SNTG1: variants seen among roughly 807,000 people sequenced by gnomAD.
The protein encoded by SNTG1 is gamma-1-syntrophin.
SNTG1 carries 39 observed loss-of-function variants against 74.7 expected under a neutral mutation model. That is an observed-to-expected ratio of 0.52 (90% CI 0.40 to 0.68). The LOEUF is 0.68. SNTG1 is among the 30% of genes least tolerant of loss of function. The pLI, the probability that SNTG1 is intolerant of heterozygous loss-of-function variation, is 0.00. For missense variants in SNTG1, 685 were observed against 609.5 expected, an observed-to-expected ratio of 1.12 and a Z score of -1.30; for synonymous variants, 254 against 217.1, an observed-to-expected ratio of 1.17 and a Z score of -1.49.
At chr8:50,330,914 G>A (rs370262757) in intron 2 of SNTG1, among the ~76,000 whole-genome samples, 2 of 152,308 alleles carry the variant, frequency 1.3e-5, no homozygotes. Context: ...CCCTTGACAT[G>A]TGAGGATTAA....
chr8:50,483,304 T>A (rs930826047), intron 8 of SNTG1, among the ~76,000 whole-genome samples: 14 of 152,226 alleles, frequency 9.2e-5, no homozygotes, highest in Admixed American at 8.5e-4. Context: ...AGAATGGATC[T>A]ATGTATTTTT....
intron 15 of SNTG1, among the ~76,000 whole-genome samples, chr8:50,659,016 T>A (rs2131280316): frequency 6.6e-6 from 1 of 152,176 alleles, no homozygotes; most frequent in African/African-American, 2.4e-5. Context: ...TTTTTAATTC[T>A]TTTTTTCTGA....
chr8:50,702,143 C>T lies in SNTG1; in HGVS notation c.1039-2457C>T, dbSNP rs961981511. Among the ~76,000 whole-genome samples, 104 of 151,904 alleles carry T rather than the reference C, an allele frequency of 6.8e-4. 2 individuals are homozygous for T. The highest frequency in any genetic ancestry group is 3.4e-3 in the Middle Eastern group (1 of 294). On this transcript the variant is annotated intron_variant, in intron 15 of 18. Coordinates refer to ENST00000642720, the MANE Select transcript of SNTG1 (RefSeq NM_018967.5). ...CTGGGATTACTGACATGAGCCACTGCGCCCAGCCTCTTATTTTTTTTATAA... is the reference window on the plus strand; with the variant it reads ...CTGGGATTACTGACATGAGCCACTGTGCCCAGCCTCTTATTTTTTTTATAA...
intron 1 of SNTG1, among the ~76,000 whole-genome samples, chr8:50,033,593 C>T (rs1817914407): frequency 1.3e-5 from 2 of 152,088 alleles, no homozygotes; most frequent in African/African-American, 2.4e-5. Context: ...GATGGATTTC[C>T]TCTGAAGCCT....
At chr8:50,007,621 A>C (rs1206898901) in intron 1 of SNTG1, among the ~76,000 whole-genome samples, 2 of 152,144 alleles carry the variant, frequency 1.3e-5, no homozygotes, top group Non-Finnish European at 2.9e-5. Context: ...GATATGCTAC[A>C]TGGCAGGTCA....
intron 1 of SNTG1, among the ~76,000 whole-genome samples, chr8:50,075,378 A>G (rs776365807): frequency 1.3e-5 from 2 of 152,138 alleles, no homozygotes; most frequent in African/African-American, 2.4e-5. Flanking sequence ...ATATGCACCA[A>G]TCAGCACTCT....
At chr8:50,066,167 A>G (rs1289527051) in intron 1 of SNTG1, among the ~76,000 whole-genome samples, 1 of 152,054 alleles carries the variant, frequency 6.6e-6, no homozygotes, top group Non-Finnish European at 1.5e-5. Context: ...GTGAGCTCAG[A>G]TTGTGCCATT....
chr8:50,486,132 GCT>G (rs1477321001), intron 8 of SNTG1, among the ~76,000 whole-genome samples: 1 of 152,174 alleles, frequency 6.6e-6, no homozygotes, highest in African/African-American at 2.4e-5. Flanking sequence ...GGCGATGCAG[GCT>G]CTTTTTTGCT....
At position 50,489,708 on chromosome 8, in the gene SNTG1, C is replaced by T. The variant is rs530639719; in HGVS notation, c.364-13070C>T. Among the ~76,000 whole-genome samples, 4 of 151,206 alleles carry T rather than the reference C, an allele frequency of 2.6e-5. No individual in the cohort carries two copies. In the South Asian group the frequency reaches 8.7e-4, roughly 33 times the overall value. Reference sequence around the variant, plus strand: ...CATATGGATAGATTGCAAAAATTTTCTCCCATTCTGTAGGTTGCCTGTTCA... The same window carrying T: ...CATATGGATAGATTGCAAAAATTTTTTCCCATTCTGTAGGTTGCCTGTTCA... On this transcript the variant is annotated intron_variant, in intron 8 of 18. Coordinates refer to ENST00000642720, the MANE Select transcript of SNTG1 (RefSeq NM_018967.5).
intron 1 of SNTG1, among the ~76,000 whole-genome samples, chr8:49,926,021 A>T (rs1015969136): frequency 2.0e-5 from 3 of 152,174 alleles, no homozygotes; most frequent in African/African-American, 7.2e-5. Context: ...CTAGAGAATG[A>T]CTTGAATCGG....
chr8:50,191,790 C>A (rs1401599630), intron 2 of SNTG1, among the ~76,000 whole-genome samples: 1 of 151,944 alleles, frequency 6.6e-6, no homozygotes, highest in East Asian at 1.9e-4. Context: ...ATGCAAGGAA[C>A]GTGTTCTTGA....
intron 18 of SNTG1, among the ~76,000 whole-genome samples, chr8:50,757,722 T>C (rs923114317): frequency 1.4e-4 from 21 of 151,982 alleles, no homozygotes; most frequent in African/African-American, 4.8e-4. Context: ...TTTCTTATCC[T>C]TGTGAATTTA....
intron 2 of SNTG1, among the ~76,000 whole-genome samples, chr8:50,214,041 T>A (rs2084653226): frequency 6.6e-6 from 1 of 152,034 alleles, no homozygotes; most frequent in African/African-American, 2.4e-5. Flanking sequence ...TAGGTTTTCT[T>A]CTAGGGTTTT....
chr8:49,934,787 A>T (rs1807908745), intron 1 of SNTG1, among the ~76,000 whole-genome samples: 1 of 152,206 alleles, frequency 6.6e-6, no homozygotes, highest in Non-Finnish European at 1.5e-5. Flanking sequence ...AAGTTGGTTT[A>T]AAATCTAATC....
chr8:50,433,517 C>G (rs1444949482), intron 4 of SNTG1, among the ~76,000 whole-genome samples: 1 of 146,282 alleles, frequency 6.8e-6, no homozygotes, highest in East Asian at 2.0e-4. Flanking sequence ...CATTTTATCT[C>G]AGGCCTGTTG....
chr8:50,497,700 G>A (rs1488877354), intron 8 of SNTG1, among the ~76,000 whole-genome samples: 1 of 151,750 alleles, frequency 6.6e-6, no homozygotes, highest in African/African-American at 2.4e-5. Context: ...ACACAATCAA[G>A]GTAATAAAAT....
At position 50,536,858 on chromosome 8, in the gene SNTG1, C is replaced by T. The variant is rs373404395; in HGVS notation, c.680+50C>T. 5.6e-6 allele frequency: 9 copies of T among 1,600,360 alleles called. No homozygotes were observed. In the African/African-American group the frequency reaches 1.1e-4, roughly 19 times the overall value. ...ACTGTTTTGTTTATGAAAAAAGAGA[C>T]CTTTTAGAAAACCTTTTGACATATC... On this transcript the variant is annotated intron_variant, in intron 11 of 18. Coordinates refer to ENST00000642720, the MANE Select transcript of SNTG1 (RefSeq NM_018967.5).
At chr8:49,939,700 T>TTGAA (rs1808506316) in intron 1 of SNTG1, among the ~76,000 whole-genome samples, 2 of 152,208 alleles carry the variant, frequency 1.3e-5, no homozygotes, top group African/African-American at 2.4e-5. Flanking sequence ...CTATTAGTCA[T>TTGAA]TAAGCCTTTT....
chr8:50,732,246 A>T (rs1004912281), intron 17 of SNTG1, among the ~76,000 whole-genome samples: 2 of 151,972 alleles, frequency 1.3e-5, no homozygotes, highest in African/African-American at 4.8e-5. Flanking sequence ...CAAATTTATA[A>T]TTATAATTTG....
Sources: gnomAD v4.1 joint callset for allele counts (sites outside exome capture counted in the v4.1 genomes callset) on GRCh38, gnomAD v4.1.1 for gene constraint, MANE v1.5 for transcripts, NCBI Gene and HGNC (gene_info 2026-07-23, HGNC 2026-07-21) for gene names.